ERI2: variants seen among roughly 807,000 people sequenced by gnomAD.
ERI2 encodes ERI1 exoribonuclease 2.
ERI2 carries 35 observed loss-of-function variants against 46.8 expected under a neutral mutation model. That is an observed-to-expected ratio of 0.75 (90% CI 0.57 to 0.99). The LOEUF (loss-of-function observed/expected upper bound fraction) is 0.99, where lower values mean the gene tolerates loss of function less well. Among genes scored for constraint, ERI2 ranks in the 50% least tolerant of loss-of-function variants. ERI2 has a pLI of 0.00. For missense variants in ERI2, 695 were observed against 796.2 expected (o/e 0.87, Z 1.53); for synonymous variants, 224 against 271.0 (o/e 0.83, Z 1.70).
At chr16:20,800,157 G>A in intron 6 of ERI2, 119 bp from the exon 7 acceptor site, 1 of 878,030 alleles carries the variant, frequency 1.1e-6, no homozygotes, top group Non-Finnish European at 1.8e-6. Flanking sequence ...TTTGTGTGTT[G>A]TTTTTAAATA....
intron 9 of ERI2, chr16:20,789,662 A>G (rs1297910196): frequency 2.9e-6 from 2 of 683,890 alleles, no homozygotes; most frequent in African/African-American, 1.8e-5. Flanking sequence ...AAAACTGTAT[A>G]TTATAAAGCA....
Position 20,802,887 on chromosome 16 carries a change from C to T in ERI2, c.212G>A (p.Gly71Glu). Reference sequence around the variant, plus strand: ...AGCCTGGAACTCAGAGTCAATCTGTCCAGTTGATGTGTTCAGCAACACTGC... The same window carrying T: ...AGCCTGGAACTCAGAGTCAATCTGTTCAGTTGATGTGTTCAGCAACACTGC... ...FPAVLLNTST[G>E]QIDSEFQAYV... Residue 71 changes from glycine (G) to glutamate (E), a missense_variant, in exon 4 of 9, where the codon GGA becomes GAA. Physicochemically the swap from Gly to Glu is moderately conservative, Grantham distance 98 (BLOSUM62 -2). Coordinates refer to ENST00000357967, the MANE Select transcript of ERI2 (RefSeq NM_001142725.2). 6.2e-7 allele frequency: 1 copy of T among 1,609,336 alleles called. No individual in the cohort carries two copies. The highest frequency in any genetic ancestry group is 8.5e-7 in the Non-Finnish European group (1 of 1,176,692).
At chr16:20,780,441 TA>T in exon 11 of ERI2, 1 of 624,948 alleles carries the variant, frequency 1.6e-6, no homozygotes, top group Non-Finnish European at 2.7e-6. Context: ...TCTCAAGTTT[TA>T]AAAATGCTTC....
intron 10 of ERI2, chr16:20,781,094 C>G: frequency 6.2e-7 from 1 of 1,614,110 alleles, no homozygotes; most frequent in Non-Finnish European, 8.5e-7. Flanking sequence ...TATTCACACA[C>G]CATTTACCCC....
At chr16:20,787,596 A>G (rs1464255597) in intron 10 of ERI2, among the ~76,000 whole-genome samples, 1 of 152,214 alleles carries the variant, frequency 6.6e-6, no homozygotes, top group Non-Finnish European at 1.5e-5. Context: ...AGTAGTTTTT[A>G]GGATCAAATA....
chr16:20,799,923 C>A, intron 7 of ERI2, 34 bp downstream of exon 7: 1 of 1,314,484 alleles, frequency 7.6e-7, no homozygotes, highest in Non-Finnish European at 1.1e-6. Context: ...TTTTAAAAGT[C>A]AAATGGCTTA....
In ERI2 at chr16:20,801,226, A is replaced by G; in HGVS notation, c.437T>C (p.Leu146Ser). 1 of 1,611,694 alleles carries G rather than the reference A, an allele frequency of 6.2e-7. No individual in the cohort carries two copies. Among genetic ancestry groups the G allele is most frequent in the Non-Finnish European group, 8.5e-7 (1 of 1,179,150 alleles). The change falls in exon 5 of 9, where the codon TTA (leucine) becomes TCA (serine). Residue 146 changes from leucine to serine, a missense_variant. Coordinates refer to ENST00000357967, the MANE Select transcript of ERI2 (RefSeq NM_001142725.2). ...ISEPSASEVK[L>S]CAFVTWSDWD... The stretch of plus-strand genomic sequence containing the variant: ...ACCTGACCAAGTAACAAATGCACAT[A>G]ATTTTACTTCAGAAGCAGAAGGCTC...
downstream of ERI2, among the ~76,000 whole-genome samples, chr16:20,794,303 C>CA (rs945930628): frequency 5.9e-5 from 9 of 152,156 alleles, no homozygotes; most frequent in Non-Finnish European, 1.0e-4. Context: ...GTGTCTAGAT[C>CA]ACTAGGTTCT....
In ERI2 at chr16:20,781,043, A is replaced by G. The variant is rs774415529; in HGVS notation, c.895-309T>C. 7 of 1,614,184 alleles carry G rather than the reference A, an allele frequency of 4.3e-6. No individual in the cohort carries two copies. The South Asian group carries it at 6.6e-5, about 15-fold the overall frequency. ...CAGATACGGGCTGGGCAAAGTCTGCATGGAGTAGTGTTTTTTCTCCGTGGA... is the reference window on the plus strand; with the variant it reads ...CAGATACGGGCTGGGCAAAGTCTGCGTGGAGTAGTGTTTTTTCTCCGTGGA... On this transcript the variant is annotated intron_variant, in intron 10 of 10. Transcript: ENST00000300005.
At chr16:20,791,133 C>T (rs2080587836) in intron 8 of ERI2, among the ~76,000 whole-genome samples, 1 of 152,214 alleles carries the variant, frequency 6.6e-6, no homozygotes, top group African/African-American at 2.4e-5. Flanking sequence ...ATATTTTCAT[C>T]TCTAATCACA....
rs866680240 is a variant in ERI2, at chr16:20,798,641, C to T, written c.1159G>A (p.Val387Ile). ...ATTTCCAAATCAGAAACATGATGAA[C>T]AGTTGGAACGGTGGTAGAAACAAGT... is the stretch of plus-strand genomic sequence containing the variant. ...LVLVSTTVPT[V>I]HHVSDLEMSS... The change falls in exon 9 of 9, where the codon GTT (valine) becomes ATT (isoleucine). Residue 387 changes from valine (V) to isoleucine (I), a missense_variant. Coordinates refer to ENST00000357967, the MANE Select transcript of ERI2 (RefSeq NM_001142725.2). The T allele has an allele frequency of 6.6e-5, 103 of 1,551,496 alleles. No individual in the cohort carries two copies. Among genetic ancestry groups the T allele is most frequent in the Non-Finnish European group, 8.7e-5 (100 of 1,146,924 alleles).
downstream of ERI2, chr16:20,796,208 C>G (rs1039169043): frequency 1.6e-6 from 2 of 1,247,640 alleles, no homozygotes; most frequent in Non-Finnish European, 2.1e-6. Flanking sequence ...AGGTACAGAC[C>G]AGGAAGTGGC....
At chr16:20,802,668 C>T in intron 4 of ERI2, 128 bp downstream of exon 4, 1 of 1,129,740 alleles carries the variant, frequency 8.9e-7, no homozygotes, top group Non-Finnish European at 1.2e-6. Flanking sequence ...GAACATCAGC[C>T]TGCAAAGTGC....
chr16:20,801,232 AC>A lies in ERI2; in HGVS notation c.430del (p.Val144Ter), dbSNP rs1314054214. The A allele has an allele frequency of 6.2e-7, 1 of 1,611,962 alleles. No homozygotes were observed. The highest frequency in any genetic ancestry group is 1.1e-5 in the South Asian group (1 of 90,664). On this transcript the variant is annotated frameshift_variant, in exon 5 of 9. Transcript: ENST00000357967. LOFTEE classifies it high-confidence loss of function. ...CCAAGTAACAAATGCACATAATTTT[AC>A]TTCAGAAGCAGAAGGCTCTGAAATC... is the stretch of plus-strand genomic sequence containing the variant. ...TGISEPSASE[V>X]KLCAFVTWSD...
In ERI2 at chr16:20,796,518, G is replaced by T. The variant is rs111745025; in HGVS notation, c.*1206C>A. On this transcript the variant is annotated 3_prime_UTR_variant, in exon 9 of 9. Transcript: ENST00000357967. ...GGCATCCTAATTATAACGAATATTT[G>T]CTCAGTGTTGTGGACAATTTCAAGT... 6.2e-7 allele frequency: 1 copy of T among 1,608,462 alleles called. No individual in the cohort carries two copies.
intron 10 of ERI2, chr16:20,786,217 AC>A (rs2152477239): frequency 1.9e-6 from 3 of 1,578,406 alleles, no homozygotes. Flanking sequence ...CTACCTACCT[AC>A]CGCTTACCCC....
chr16:20,784,876 TA>T, intron 10 of ERI2: 1 of 1,287,988 alleles, frequency 7.8e-7, no homozygotes, highest in Non-Finnish European at 1.1e-6. Flanking sequence ...GGAGAGGAAT[TA>T]AAAAGCGACT....
In ERI2 at chr16:20,798,534, G is replaced by A. The variant is rs376311121; in HGVS notation, c.1266C>T (p.Asn422=). Residue 422 remains asparagine (N), a synonymous_variant, in exon 9 of 9, where the codon AAC becomes AAT. Coordinates refer to ENST00000357967, the MANE Select transcript of ERI2 (RefSeq NM_001142725.2). ...VLLPASQPEE[N]VDCTVPISDS... is the part of the protein sequence containing the mutation. ...CACTAATGGGAACTGTACAGTCTAC[G>A]TTTTCCTCAGGCTGAGATGCTGGCA... 2,128 of 1,551,500 alleles carry A rather than the reference G, an allele frequency of 1.4e-3. 41 individuals are homozygous for A. In the South Asian group the frequency reaches 0.023, roughly 17 times the overall value.
intron 6 of ERI2, 110 bp downstream of exon 6, chr16:20,800,192 C>T: frequency 5.9e-6 from 5 of 850,882 alleles, no homozygotes. Flanking sequence ...TTTATGTGAC[C>T]AGTACAAAAG....
Sources: allele counts gnomAD v4.1 joint callset (sites outside exome capture counted in the v4.1 genomes callset), GRCh38; gene constraint gnomAD v4.1.1; transcripts MANE v1.5; gene names NCBI Gene and HGNC (gene_info 2026-07-23, HGNC 2026-07-21).